Variants in REPS2 observed in about 807,000 individuals in gnomAD.
The protein encoded by REPS2 is ralBP1-associated Eps domain-containing protein 2.
Under a neutral mutation model 53.6 loss-of-function variants are expected in REPS2, and 23 were observed. That is an observed-to-expected ratio of 0.43 (90% CI 0.31 to 0.61). The LOEUF is 0.61. Among genes scored for constraint, REPS2 ranks in the 20% least tolerant of loss-of-function variants. The pLI, the probability that REPS2 is intolerant of heterozygous loss-of-function variation, is 0.11. For synonymous variants in REPS2, 238 were observed against 218.6 expected (o/e 1.09, Z -0.78); for missense variants, 446 against 534.9 (o/e 0.83, Z 1.64).
chrX:16,948,529 C>T (rs1412299140), intron 1 of REPS2, among the ~76,000 whole-genome samples: 1 of 112,368 alleles, frequency 8.9e-6, no homozygotes, highest in East Asian at 2.8e-4. Context: ...GCTGTAGCTG[C>T]TTCCCAGCTG....
intron 3 of REPS2, among the ~76,000 whole-genome samples, chrX:17,024,555 CATT>C (rs1176244832): frequency 5.7e-5 from 6 of 105,263 alleles, no homozygotes; most frequent in African/African-American, 2.1e-4. Flanking sequence ...TGCAGTCTCT[CATT>C]GTTAAAAAAA....
chrX:16,955,617 C>T (rs1295252589), intron 1 of REPS2, among the ~76,000 whole-genome samples: 1 of 111,943 alleles, frequency 8.9e-6, no homozygotes, highest in African/African-American at 3.3e-5. Context: ...GCAGTTCCCT[C>T]CACATGGCCT....
the REPS2 span, among the ~76,000 whole-genome samples, chrX:17,164,452 A>C: frequency 6.2e-5 from 7 of 112,477 alleles, no homozygotes; most frequent in Admixed American, 9.4e-5. Context: ...TACTAATATC[A>C]GACAAAATAA....
At chrX:17,053,481 G>A (rs1020125559) in intron 7 of REPS2, among the ~76,000 whole-genome samples, 6 of 110,846 alleles carry the variant, frequency 5.4e-5, no homozygotes, top group Admixed American at 2.9e-4. Flanking sequence ...AAGCTCAAGC[G>A]ATCCTCCTAC....
chrX:17,176,928 T>C, the REPS2 span, among the ~76,000 whole-genome samples: 16,259 of 111,904 alleles, frequency 0.15, 925 homozygotes, highest in African/African-American at 0.19. Context: ...CCGAAATCCC[T>C]GACTGCTTTT....
chrX:17,030,315 GT>G (rs1169831078), intron 5 of REPS2, among the ~76,000 whole-genome samples: 4 of 9,981 alleles, frequency 4.0e-4, no homozygotes, highest in African/African-American at 9.8e-4. Flanking sequence ...TCAAAGAAGG[GT>G]GTGTGTGTGT....
At chrX:16,969,175 G>A (rs1315667549) in intron 1 of REPS2, among the ~76,000 whole-genome samples, 2 of 109,457 alleles carry the variant, frequency 1.8e-5, no homozygotes, top group Non-Finnish European at 3.8e-5. Context: ...GATGGCGGCC[G>A]GGAAGAGGCG....
chrX:17,046,631 TTTG>T (rs2061911895), intron 5 of REPS2, among the ~76,000 whole-genome samples: 1 of 112,288 alleles, frequency 8.9e-6, no homozygotes. Flanking sequence ...CTACCATAGC[TTTG>T]TTTTCTCCCG....
rs1602796366 is a variant in REPS2 at position 17,048,238 on chromosome X, G to T, written c.907+756G>T. 1.8e-5 allele frequency among the ~76,000 whole-genome samples: 2 copies of T among 112,602 alleles called. 1 individual carries two copies. The highest frequency in any genetic ancestry group is 1.9e-4 in the Admixed American group (2 of 10,642). On this transcript the variant is annotated intron_variant, in intron 6 of 17. Transcript: ENST00000357277. ...TGTGGGCAAAGATTAGTTTTATCTT[G>T]TGAAATGAGGCACATAATTGAAATA...
the REPS2 span, among the ~76,000 whole-genome samples, chrX:17,182,182 C>CTATCTATCTATT: frequency 9.2e-6 from 1 of 109,173 alleles, no homozygotes; most frequent in Admixed American, 9.8e-5. Context: ...ATCTATCTAT[C>CTATCTATCTATT]TATCTATCAT....
intron 1 of REPS2, among the ~76,000 whole-genome samples, chrX:16,986,910 AT>A (rs112758922): frequency 0.05 from 4,834 of 96,243 alleles, 135 homozygotes; most frequent in Middle Eastern, 0.067. Context: ...ACCCTTATAG[AT>A]TTTTTTTTTT....
chrX:17,163,974 A>T, the REPS2 span, among the ~76,000 whole-genome samples: 3 of 112,398 alleles, frequency 2.7e-5, no homozygotes, highest in Admixed American at 2.8e-4. Context: ...CAACTACATA[A>T]ATCAATAATT....
chrX:17,033,741 C>T (rs966467837), intron 5 of REPS2, among the ~76,000 whole-genome samples: 3 of 112,213 alleles, frequency 2.7e-5, no homozygotes, highest in Non-Finnish European at 5.6e-5. Context: ...ATTCTCATTG[C>T]ACACAAAAAC....
intron 13 of REPS2, among the ~76,000 whole-genome samples, chrX:17,081,431 A>G (rs752757138): frequency 8.9e-6 from 1 of 112,967 alleles, no homozygotes; most frequent in South Asian, 3.7e-4. Flanking sequence ...TTCAAGCAGC[A>G]TTTAAAGGAA....
At chrX:16,949,929 TAC>T (rs1396668323) in intron 1 of REPS2, among the ~76,000 whole-genome samples, 1 of 111,514 alleles carries the variant, frequency 9.0e-6, no homozygotes, top group Non-Finnish European at 1.9e-5. Flanking sequence ...CTTGGTGTTG[TAC>T]ATTCTGTGGG....
intron 13 of REPS2, among the ~76,000 whole-genome samples, chrX:17,094,121 T>C (rs189143914): frequency 8.5e-4 from 95 of 112,229 alleles, no homozygotes; most frequent in African/African-American, 2.7e-3. Context: ...AGCACATCCT[T>C]CAGCAGCTTC....
At chrX:17,006,119 G>C (rs758551730) in intron 1 of REPS2, 102 bp from the exon 2 acceptor site, 4 of 983,290 alleles carry the variant, frequency 4.1e-6, no homozygotes, top group Non-Finnish European at 5.6e-6. Flanking sequence ...GACTTTTTTG[G>C]TTAGCCACTA....
At chrX:17,046,095 CCCT>C (rs779267665) in intron 5 of REPS2, among the ~76,000 whole-genome samples, 6 of 109,163 alleles carry the variant, frequency 5.5e-5, no homozygotes, top group African/African-American at 2.0e-4. Context: ...AGCAGCAATA[CCCT>C]CCTCTTCTTT....
chrX:17,079,382 AG>A (rs1364147328), intron 13 of REPS2, among the ~76,000 whole-genome samples: 1 of 111,692 alleles, frequency 9.0e-6, no homozygotes, highest in Non-Finnish European at 1.9e-5. Flanking sequence ...GTTTCTCAGA[AG>A]GCTCGCAAAA....
Sources: gnomAD v4.1 joint callset for allele counts (sites outside exome capture counted in the v4.1 genomes callset) on GRCh38, gnomAD v4.1.1 for gene constraint, MANE v1.5 for transcripts, NCBI Gene and HGNC (gene_info 2026-07-23, HGNC 2026-07-21) for gene names.